Variants in CMTM8 observed in about 807,000 individuals in gnomAD.
The protein encoded by CMTM8 is CKLF-like MARVEL transmembrane domain-containing protein 8.
In CMTM8, 12 loss-of-function variants were observed where a neutral mutation model predicts 18.6. That is an observed-to-expected ratio of 0.65 (90% CI 0.41 to 1.05). The LOEUF (loss-of-function observed/expected upper bound fraction) is 1.05. Among genes scored for constraint, CMTM8 ranks in the 50% least tolerant of loss-of-function variants. The pLI is 0.00. For synonymous variants in CMTM8, 87 were observed against 90.6 expected (o/e 0.96, Z 0.23); for missense variants, 217 against 227.2 (o/e 0.95, Z 0.29).
intron 1 of CMTM8, among the ~76,000 whole-genome samples, chr3:32,262,387 G>A (rs1702270842): frequency 6.6e-6 from 1 of 152,144 alleles, no homozygotes; most frequent in Non-Finnish European, 1.5e-5. Context: ...CCTGAGCTGT[G>A]GTCCAGCTTT....
intron 1 of CMTM8, among the ~76,000 whole-genome samples, chr3:32,271,827 C>T (rs1361336471): frequency 2.0e-5 from 3 of 152,110 alleles, no homozygotes. Flanking sequence ...TATCCTGCTC[C>T]TAAACAAATA....
At chr3:32,297,549 G>A (rs1702903501) in intron 1 of CMTM8, among the ~76,000 whole-genome samples, 1 of 151,772 alleles carries the variant, frequency 6.6e-6, no homozygotes. Flanking sequence ...TCACCTTGGG[G>A]AATACAGTGG....
intron 1 of CMTM8, among the ~76,000 whole-genome samples, chr3:32,312,782 C>T (rs532645624): frequency 4.0e-5 from 6 of 151,662 alleles, no homozygotes; most frequent in South Asian, 2.1e-4. Flanking sequence ...CAACCGCCCC[C>T]GATCCTGTGG....
At chr3:32,246,555 A>G (rs1001877446) in intron 1 of CMTM8, among the ~76,000 whole-genome samples, 1 of 152,002 alleles carries the variant, frequency 6.6e-6, no homozygotes, top group Non-Finnish European at 1.5e-5. Context: ...AGATTACCCA[A>G]TCTGAATGTG....
At chr3:32,249,841 C>G (rs1177114602) in intron 1 of CMTM8, among the ~76,000 whole-genome samples, 1 of 152,152 alleles carries the variant, frequency 6.6e-6, no homozygotes, top group Non-Finnish European at 1.5e-5. Context: ...TATCTTTTCA[C>G]TTTTCTAGAC....
intron 1 of CMTM8, among the ~76,000 whole-genome samples, chr3:32,272,655 T>C (rs748401388): frequency 2.5e-4 from 38 of 152,212 alleles, no homozygotes; most frequent in Non-Finnish European, 5.1e-4. Flanking sequence ...ACTGTGTTCT[T>C]TATGGCCTAC....
intron 1 of CMTM8, among the ~76,000 whole-genome samples, chr3:32,338,172 CG>C (rs1696424788): frequency 6.6e-6 from 1 of 151,908 alleles, no homozygotes; most frequent in Non-Finnish European, 1.5e-5. Flanking sequence ...TTAGCAGAGA[CG>C]GGGTTTCACC....
intron 1 of CMTM8, among the ~76,000 whole-genome samples, chr3:32,324,954 T>C (rs1187681879): frequency 6.6e-6 from 1 of 152,240 alleles, no homozygotes; most frequent in East Asian, 1.9e-4. Context: ...CACAGAATTC[T>C]CTTGGCCTCA....
intron 1 of CMTM8, among the ~76,000 whole-genome samples, chr3:32,248,760 G>C (rs903982584): frequency 1.3e-5 from 2 of 151,374 alleles, no homozygotes; most frequent in Admixed American, 6.6e-5. Context: ...ATAACTCATT[G>C]TAACCACAAA....
intron 1 of CMTM8, among the ~76,000 whole-genome samples, chr3:32,294,649 G>A (rs1178637758): frequency 1.3e-5 from 2 of 152,190 alleles, no homozygotes; most frequent in Non-Finnish European, 2.9e-5. Context: ...GCAGCAGATA[G>A]GCATTTAATA....
rs549123320 is a variant in CMTM8, at chr3:32,249,273, AGAAAAAATT to A, written c.147+10155_147+10163del. 3.1e-3 allele frequency among the ~76,000 whole-genome samples: 467 copies of A among 151,886 alleles called. 2 individuals are homozygous for A. The highest frequency in any genetic ancestry group is 0.01 in the African/African-American group (433 of 41,448). On this transcript the variant is annotated intron_variant, in intron 1 of 3. Coordinates refer to ENST00000307526, the MANE Select transcript of CMTM8 (RefSeq NM_178868.5). Reference sequence around the variant, plus strand: ...GTGGAACCCCATTTCTACAAAAAATAGAAAAAATTAGCTGGGCACGGTGGTGTGTGCCTG... The same window carrying A: ...GTGGAACCCCATTTCTACAAAAAATAAGCTGGGCACGGTGGTGTGTGCCTG...
chr3:32,290,577 T>TGA (rs1435843101), intron 1 of CMTM8, among the ~76,000 whole-genome samples: 3 of 152,254 alleles, frequency 2.0e-5, no homozygotes, highest in Non-Finnish European at 4.4e-5. Context: ...AGTTTAGACC[T>TGA]GATCCAACCT....
At chr3:32,300,851 T>TCCCAAG (rs1695599700) in intron 1 of CMTM8, among the ~76,000 whole-genome samples, 1 of 151,996 alleles carries the variant, frequency 6.6e-6, no homozygotes, top group Non-Finnish European at 1.5e-5. Context: ...TCCCATTTAC[T>TCCCAAG]TGGGAGGCTG....
intron 1 of CMTM8, among the ~76,000 whole-genome samples, chr3:32,333,970 TTTTTC>T (rs1324020849): frequency 2.0e-5 from 3 of 151,874 alleles, no homozygotes; most frequent in Non-Finnish European, 4.4e-5. Context: ...TTCCAATCAA[TTTTTC>T]TTTTCTTTTT....
intron 2 of CMTM8, 115 bp downstream of exon 2, chr3:32,357,661 G>A: frequency 9.7e-7 from 1 of 1,033,560 alleles, no homozygotes; most frequent in Non-Finnish European, 1.4e-6. Flanking sequence ...GCCATACCAT[G>A]GAGAACTCAA....
intron 1 of CMTM8, among the ~76,000 whole-genome samples, chr3:32,307,645 C>A (rs1695742684): frequency 6.6e-6 from 1 of 152,084 alleles, no homozygotes; most frequent in South Asian, 2.1e-4. Flanking sequence ...GTGGGAATTT[C>A]CAGTCAATGG....
chr3:32,368,785 TG>T (rs2125606978), intron 3 of CMTM8, among the ~76,000 whole-genome samples: 1 of 151,930 alleles, frequency 6.6e-6, no homozygotes, highest in Non-Finnish European at 1.5e-5. Flanking sequence ...TATATACTTC[TG>T]TTTGCATTTT....
chr3:32,332,252 T>C (rs1696293884), intron 1 of CMTM8, among the ~76,000 whole-genome samples: 1 of 152,186 alleles, frequency 6.6e-6, no homozygotes, highest in South Asian at 2.1e-4. Context: ...GCACAGGATG[T>C]AAAGCTGGGG....
At chr3:32,342,362 G>A (rs900739028) in intron 1 of CMTM8, among the ~76,000 whole-genome samples, 1 of 152,198 alleles carries the variant, frequency 6.6e-6, no homozygotes, top group South Asian at 2.1e-4. Flanking sequence ...GTTACCAGGG[G>A]CTTGGGTACA....
Sources: allele counts gnomAD v4.1 joint callset (sites outside exome capture counted in the v4.1 genomes callset), GRCh38; gene constraint gnomAD v4.1.1; transcripts MANE v1.5; gene names NCBI Gene and HGNC (gene_info 2026-07-23, HGNC 2026-07-21).